Variants in CEP43 observed in about 807,000 individuals in gnomAD.
CEP43 encodes the protein FGFR1 oncogene partner.
A neutral mutation model predicts 52.6 loss-of-function variants in CEP43; 36 were observed. The observed-to-expected ratio is 0.68, with a 90% CI of 0.52 to 0.90. The LOEUF (loss-of-function observed/expected upper bound fraction) is 0.90, where lower values mean the gene tolerates loss of function less well. CEP43 is among the 40% of genes least tolerant of loss of function. The pLI, the probability that CEP43 is intolerant of heterozygous loss-of-function variation, is 0.00. For synonymous variants in CEP43, 192 were observed against 172.4 expected (o/e 1.11, Z -0.89); for missense variants, 506 against 472.8 (o/e 1.07, Z -0.65).
In CEP43 at chr6:167,042,511, T is replaced by G. The variant is rs1349911896; in HGVS notation, c.*2533T>G. The G allele has an allele frequency of 5.1e-5, 15 of 296,192 alleles. No homozygotes were observed. The highest frequency in any genetic ancestry group is 6.5e-5 in the Non-Finnish European group (13 of 199,656). The allele number at this position is 296,192 out of a possible 1,614,324, so 18.3% of individuals were successfully genotyped here. On this transcript the variant is annotated 3_prime_UTR_variant, in exon 13 of 13. Transcript: ENST00000366847. ...CCTGCCTCATGCTTGCCCACAGCTC[T>G]TCCTCCCCTCCTTACTTCCCTCTCC...
chr6:167,015,692 C>T (rs1016681374), intron 7 of CEP43, among the ~76,000 whole-genome samples: 1 of 152,148 alleles, frequency 6.6e-6, no homozygotes, highest in Non-Finnish European at 1.5e-5. Context: ...CAGGAGGCGA[C>T]AAGTACTAGT....
rs529191797 is a variant in CEP43 at position 167,023,710 on chromosome 6, G to A, written c.807-1072G>A. On this transcript the variant is annotated intron_variant, in intron 8 of 12. Transcript: ENST00000366847. The stretch of plus-strand genomic sequence containing the variant: ...TTGAGGCCAGAGCAGGGAGCTAGAA[G>A]CAGCAGAGGAGATGGAACCAGGAGA... 1.8e-3 allele frequency among the ~76,000 whole-genome samples: 279 copies of A among 152,322 alleles called. 2 individuals carry two copies. The highest frequency in any genetic ancestry group is 3.1e-3 in the South Asian group (15 of 4,824).
intron 5 of CEP43, 108 bp downstream of exon 5, chr6:167,004,509 A>G (rs1779808481): frequency 1.1e-6 from 1 of 932,782 alleles, no homozygotes; most frequent in South Asian, 2.9e-5. Context: ...ACTAGAAGAT[A>G]TTCCTTAAAA....
intron 12 of CEP43, among the ~76,000 whole-genome samples, chr6:167,038,958 T>G (rs1025965139): frequency 2.0e-5 from 3 of 152,080 alleles, no homozygotes; most frequent in Non-Finnish European, 2.9e-5. Flanking sequence ...CTCCTCTCAT[T>G]CTTTCTCTGG....
Position 167,024,889 on chromosome 6 carries a change from C to CT in CEP43, c.915dup (p.Glu306Ter). 6.3e-7 allele frequency: 1 copy of CT among 1,578,782 alleles called. No homozygotes were observed. ...GCGGGAGCCCCTTCTTTAAAAGACT[C>CT]TGAGAGTAAGTGCCCAAAGATGTGG... On this transcript the variant is annotated frameshift_variant, in exon 9 of 13. Transcript: ENST00000366847. LOFTEE classifies it high-confidence loss of function.
intron 6 of CEP43, 29 bp downstream of exon 6, chr6:167,010,922 T>C (rs372244940): frequency 9.4e-6 from 13 of 1,387,568 alleles, no homozygotes; most frequent in Middle Eastern, 1.8e-4. Flanking sequence ...ACGGAAGTCA[T>C]GTCTGGACTT....
In CEP43 at chr6:167,034,643, G is replaced by A. The variant is rs1162487979; in HGVS notation, c.1125+672G>A. On this transcript the variant is annotated intron_variant, in intron 12 of 12. Coordinates refer to ENST00000366847, the MANE Select transcript of CEP43 (RefSeq NM_007045.4). ...CAGAACATGGTGGGATTCTCCAAGC[G>A]CTGTGATTGTCACACAGGGAGAAGG... Among the ~76,000 whole-genome samples the A allele has an allele frequency of 3.3e-5, 5 of 152,216 alleles. No individual in the cohort carries two copies. The South Asian group carries it at 8.3e-4, about 25-fold the overall frequency.
Position 167,048,449 on chromosome 6 carries a change from G to C in CEP43, c.*8471G>C, listed in dbSNP as rs1198161983. On this transcript the variant is annotated 3_prime_UTR_variant, in exon 13 of 13. Transcript: ENST00000366847. ...GGAGGCTGAGGCAGGAGGATTGCAG[G>C]AGGTTTGCTTGAGCCGGGGAGGTCG... The C allele has an allele frequency of 6.6e-6, 1 of 152,256 alleles. No individual in the cohort carries two copies. The highest frequency in any genetic ancestry group is 2.4e-5 in the African/African-American group (1 of 41,444). The allele number at this position is 152,256 out of a possible 1,614,324, so 9.4% of individuals were successfully genotyped here.
At chr6:167,029,203 C>T (rs142514764) in intron 10 of CEP43, among the ~76,000 whole-genome samples, 5 of 152,272 alleles carry the variant, frequency 3.3e-5, no homozygotes, top group African/African-American at 9.6e-5. Context: ...TCAGGAAGTC[C>T]GGGCCAAAGA....
chr6:166,999,680 G>A (rs1360847561), intron 1 of CEP43, 166 bp downstream of exon 1: 5 of 491,978 alleles, frequency 1.0e-5, no homozygotes, highest in East Asian at 3.6e-5. Flanking sequence ...GCCCCACAGA[G>A]GGGGTCGGCT....
At chr6:167,011,907 G>A (rs1470739525) in intron 6 of CEP43, among the ~76,000 whole-genome samples, 1 of 152,210 alleles carries the variant, frequency 6.6e-6, no homozygotes, top group Non-Finnish European at 1.5e-5. Flanking sequence ...ATCACATTGA[G>A]GGTTAGGATT....
At chr6:167,000,305 C>G (rs964181466) in intron 2 of CEP43, among the ~76,000 whole-genome samples, 192 bp downstream of exon 2, 6 of 152,134 alleles carry the variant, frequency 3.9e-5, no homozygotes, top group African/African-American at 1.4e-4. Flanking sequence ...TGGGGGTAAT[C>G]TTAAGGTACC....
At chr6:167,023,372 G>T (rs1176881326) in intron 8 of CEP43, among the ~76,000 whole-genome samples, 1 of 152,174 alleles carries the variant, frequency 6.6e-6, no homozygotes, top group East Asian at 1.9e-4. Context: ...GTAAGTGCTA[G>T]AGAAAAGTAA....
chr6:167,035,443 G>A (rs1780562995), intron 12 of CEP43, among the ~76,000 whole-genome samples: 1 of 152,174 alleles, frequency 6.6e-6, no homozygotes, highest in Admixed American at 6.5e-5. Flanking sequence ...GGCTGGGGAT[G>A]TGGGGGTGTG....
chr6:167,051,646 A>C lies in CEP43; in HGVS notation c.*11668A>C, dbSNP rs970411039. 1 of 152,246 alleles carries C rather than the reference A, an allele frequency of 6.6e-6. No homozygotes were observed. Among genetic ancestry groups the C allele is most frequent in the Non-Finnish European group, 1.5e-5 (1 of 68,038 alleles). 9.4% of individuals were successfully genotyped at this position (152,246 alleles called of 1,614,324 possible). A position where few individuals can be genotyped will look rare whatever the true frequency, so the allele number is the denominator to read the frequency against. ...GTGCATACATATTTATAATTGTTAT[A>C]TCTTCCTGATGGATTGGTATTGTAA... On this transcript the variant is annotated 3_prime_UTR_variant, in exon 13 of 13. Coordinates refer to ENST00000366847, the MANE Select transcript of CEP43 (RefSeq NM_007045.4).
chr6:167,027,048 G>T (rs1192512931), intron 10 of CEP43, among the ~76,000 whole-genome samples: 1 of 152,218 alleles, frequency 6.6e-6, no homozygotes, highest in Non-Finnish European at 1.5e-5. Context: ...TTTCAGTTCA[G>T]ACTGAGAAAA....
At chr6:167,033,617 G>A (rs1251246591) in intron 11 of CEP43, among the ~76,000 whole-genome samples, 1 of 152,014 alleles carries the variant, frequency 6.6e-6, no homozygotes. Context: ...AAAAATCTGG[G>A]TTTGTTTCTT....
intron 7 of CEP43, among the ~76,000 whole-genome samples, chr6:167,019,681 A>G (rs1240114441): frequency 7.2e-5 from 11 of 152,224 alleles, no homozygotes; most frequent in Admixed American, 5.2e-4. Context: ...GTTGTGTAAT[A>G]TAGTAATGCC....
intron 7 of CEP43, among the ~76,000 whole-genome samples, chr6:167,019,888 CTTTACA>C (rs1379832461): frequency 3.9e-4 from 60 of 152,040 alleles, no homozygotes; most frequent in Non-Finnish European, 8.1e-4. Context: ...CATAATATTG[CTTTACA>C]TTTACATTTT....
Sources: allele counts gnomAD v4.1 joint callset (sites outside exome capture counted in the v4.1 genomes callset), GRCh38; gene constraint gnomAD v4.1.1; transcripts MANE v1.5; gene names NCBI Gene and HGNC (gene_info 2026-07-23, HGNC 2026-07-21).